Variants in PALS2 observed in about 807,000 individuals in gnomAD.
PALS2 encodes the protein protein PALS2.
Under a neutral mutation model 61.6 loss-of-function variants are expected in PALS2, and 27 were observed. The observed-to-expected ratio is 0.44, with a 90% CI of 0.32 to 0.60. The LOEUF (loss-of-function observed/expected upper bound fraction) is 0.60, where lower values mean the gene tolerates loss of function less well. PALS2 is among the 20% of genes least tolerant of loss of function. PALS2 has a pLI of 0.05. For missense variants in PALS2, 554 were observed against 639.4 expected, an observed-to-expected ratio of 0.87 and a Z score of 1.44; for synonymous variants, 236 against 218.6, an observed-to-expected ratio of 1.08 and a Z score of -0.70.
intron 9 of PALS2, among the ~76,000 whole-genome samples, chr7:24,671,217 C>A (rs944649409): frequency 6.6e-6 from 1 of 152,192 alleles, no homozygotes; most frequent in African/African-American, 2.4e-5. Flanking sequence ...TTGTAGTCAT[C>A]CTAGTGGGTG....
rs763813047 is a variant in PALS2 at position 24,618,922 on chromosome 7, T to TA, written c.-2-4743dup. ...AGCGGAGGAATGTGCACCAGACACT[T>TA]ACCGTCAGCCATCTTACTGACATCA... On this transcript the variant is annotated intron_variant, in intron 1 of 11. Transcript: ENST00000222644. This position sits in a 1 kb window ranked among gnomAD's most constrained non-coding sequence, Gnocchi z 5.1. Among the ~76,000 whole-genome samples, 21 of 152,382 alleles carry TA rather than the reference T, an allele frequency of 1.4e-4. No individual in the cohort carries two copies. Among genetic ancestry groups the TA allele is most frequent in the Admixed American group, 8.5e-4 (13 of 15,308 alleles).
chr7:24,662,234 A>G (rs1383584551), intron 5 of PALS2, among the ~76,000 whole-genome samples: 1 of 152,218 alleles, frequency 6.6e-6, no homozygotes, highest in African/African-American at 2.4e-5. Context: ...TCGTTATTTT[A>G]AAATTATTTT....
chr7:24,641,596 G>A (rs1310558059), intron 2 of PALS2, 120 bp from the exon 3 acceptor site: 2 of 826,592 alleles, frequency 2.4e-6, no homozygotes, highest in Non-Finnish European at 3.6e-6. Context: ...ATTAAATTTG[G>A]TTTACATGAA....
At chr7:24,623,922 G>A (rs1583891311) in intron 2 of PALS2, 138 bp downstream of exon 2, 1 of 966,204 alleles carries the variant, frequency 1.0e-6, no homozygotes, top group Non-Finnish European at 1.5e-6. Context: ...AGCACATAAT[G>A]AAATCTTAAC....
At chr7:24,673,973 C>G (rs1027360839) in intron 9 of PALS2, among the ~76,000 whole-genome samples, 22 of 151,904 alleles carry the variant, frequency 1.4e-4, no homozygotes, top group Admixed American at 2.6e-4. Context: ...TGTTTTCATT[C>G]ATCTCAAAAT....
rs1242772111 is a variant in PALS2 at position 24,692,136 on chromosome 7, G to A, written c.*4522G>A. 2 of 151,966 alleles carry A rather than the reference G, an allele frequency of 1.3e-5. No individual in the cohort carries two copies. The highest frequency in any genetic ancestry group is 2.9e-5 in the Non-Finnish European group (2 of 67,958). The allele number at this position is 151,966 out of a possible 1,614,324, so 9.4% of individuals were successfully genotyped here. On this transcript the variant is annotated 3_prime_UTR_variant, in exon 12 of 12. Coordinates refer to ENST00000222644, the MANE Select transcript of PALS2 (RefSeq NM_001303037.2). ...CTTCTGTGTTCTTGGAATAGTTTTT[G>A]AAAAATGCAGAGATTCGAACATGAG...
intron 2 of PALS2, among the ~76,000 whole-genome samples, chr7:24,632,685 C>T (rs140077062): frequency 1.5e-3 from 223 of 152,270 alleles, no homozygotes; most frequent in Non-Finnish European, 2.8e-3. Context: ...CCGCATCCAG[C>T]CAACAGTCTC....
At chr7:24,681,819 C>G (rs1787951290) in intron 11 of PALS2, among the ~76,000 whole-genome samples, 1 of 152,124 alleles carries the variant, frequency 6.6e-6, no homozygotes, top group South Asian at 2.1e-4. Context: ...GTCACCTTTT[C>G]CCCTCACTGT....
intron 3 of PALS2, among the ~76,000 whole-genome samples, chr7:24,646,060 T>A (rs1785815985): frequency 6.6e-6 from 1 of 152,074 alleles, no homozygotes; most frequent in Non-Finnish European, 1.5e-5. Flanking sequence ...GGGCTGAGAC[T>A]ATGGGGTTTT....
chr7:24,630,419 C>T (rs1159724724), intron 2 of PALS2, among the ~76,000 whole-genome samples: 3 of 152,004 alleles, frequency 2.0e-5, no homozygotes, highest in Non-Finnish European at 4.4e-5. Flanking sequence ...ACCACCATGG[C>T]ACATTTGTAC....
At chr7:24,655,083 G>C (rs572158899) in intron 5 of PALS2, among the ~76,000 whole-genome samples, 6 of 152,222 alleles carry the variant, frequency 3.9e-5, no homozygotes, top group Admixed American at 1.3e-4. Flanking sequence ...CCATTAAGTT[G>C]GTAAAAATTA....
chr7:24,677,090 A>T (rs1488383627), intron 9 of PALS2, among the ~76,000 whole-genome samples: 1 of 151,714 alleles, frequency 6.6e-6, no homozygotes, highest in Non-Finnish European at 1.5e-5. Flanking sequence ...GAGGTCCTTC[A>T]CATCCCTTGT....
At position 24,596,160 on chromosome 7, in the gene PALS2, A is replaced by C. The variant is rs1209523125; in HGVS notation, c.-3+22567A>C. On this transcript the variant is annotated intron_variant, in intron 1 of 11. Transcript: ENST00000222644. This position sits in a 1 kb window ranked among gnomAD's most constrained non-coding sequence, Gnocchi z 4.5. ...TTTTGTGTTTTAAAATGATGGCTCT[A>C]GCCACTCTGGGGAGAATATTGTTGA... Among the ~76,000 whole-genome samples the C allele has an allele frequency of 1.3e-5, 2 of 152,146 alleles. No homozygotes were observed. Among genetic ancestry groups the C allele is most frequent in the Admixed American group, 6.6e-5 (1 of 15,248 alleles).
intron 2 of PALS2, among the ~76,000 whole-genome samples, chr7:24,640,956 T>C (rs981932299): frequency 4.7e-5 from 6 of 128,994 alleles, no homozygotes; most frequent in Admixed American, 1.1e-4. Flanking sequence ...TGCAGTGAGC[T>C]GAGGTCGCGC....
chr7:24,662,480 G>A (rs1173706245), intron 5 of PALS2, among the ~76,000 whole-genome samples: 3 of 152,008 alleles, frequency 2.0e-5, no homozygotes, highest in Non-Finnish European at 4.4e-5. Flanking sequence ...TTTTAAGAAA[G>A]CAGTTGGGCT....
intron 1 of PALS2, among the ~76,000 whole-genome samples, chr7:24,576,166 T>A (rs1329407600): frequency 6.6e-6 from 1 of 152,238 alleles, no homozygotes; most frequent in East Asian, 1.9e-4. Flanking sequence ...AGAAAAGTAG[T>A]CTTCACATTT....
At chr7:24,660,023 T>C (rs376970269) in intron 5 of PALS2, among the ~76,000 whole-genome samples, 2 of 152,236 alleles carry the variant, frequency 1.3e-5, no homozygotes, top group African/African-American at 4.8e-5. Context: ...TGCAGTTAGC[T>C]GGGGCAATTG....
intron 2 of PALS2, among the ~76,000 whole-genome samples, chr7:24,637,116 G>T (rs1785274765): frequency 6.6e-6 from 1 of 151,880 alleles, no homozygotes; most frequent in Admixed American, 6.6e-5. Flanking sequence ...CATCTGTGTG[G>T]TTCTCCTGAT....
chr7:24,679,274 G>C lies in PALS2; in HGVS notation c.1258G>C (p.Asp420His). 1 of 1,614,078 alleles carries C rather than the reference G, an allele frequency of 6.2e-7. No homozygotes were observed. Among genetic ancestry groups the C allele is most frequent in the Non-Finnish European group, 8.5e-7 (1 of 1,179,974 alleles). ...AGGAAATCTCTATGGAACCAAAATT[G>C]ATTCTATTCTTGAGGTTGTCCAAAC... ...YEGNLYGTKI[D>H]SILEVVQTGR... is the part of the protein sequence containing the mutation. Residue 420 changes from aspartate (D) to histidine (H), a missense_variant, in exon 10 of 12, where the codon GAT becomes CAT. Transcript: ENST00000222644.
Sources: gnomAD v4.1 joint callset for allele counts (sites outside exome capture counted in the v4.1 genomes callset) on GRCh38, gnomAD v4.1.1 for gene constraint, Gnocchi (gnomAD v3.1) non-coding constraint, MANE v1.5 for transcripts, NCBI Gene and HGNC (gene_info 2026-07-23, HGNC 2026-07-21) for gene names.